The following PDGFRL variants were observed in gnomAD, a reference collection of about 807,000 sequenced individuals.
PDGFRL encodes platelet derived growth factor receptor like, also known as platelet-derived growth factor receptor-like protein.
A neutral mutation model predicts 37.2 loss-of-function variants in PDGFRL; 46 were observed. The ratio of observed to expected loss-of-function variants is 1.24; its 90% CI spans 0.98 to 1.58. The LOEUF is 1.58. PDGFRL is among the 40% of genes most tolerant of loss of function. The pLI is 0.00. For missense variants in PDGFRL, 692 were observed against 467.6 expected (o/e 1.48, Z -4.43); for synonymous variants, 251 against 184.3 (o/e 1.36, Z -2.93).
intron 5 of PDGFRL, 82 bp downstream of exon 5, chr8:17,634,295 C>T (rs1391931863): frequency 3.6e-6 from 4 of 1,121,594 alleles, no homozygotes; most frequent in Admixed American, 2.1e-5. Context: ...GCTTCGTCCC[C>T]ACCCAGTGCT....
At chr8:17,609,413 T>C (rs1804355668) in intron 2 of PDGFRL, among the ~76,000 whole-genome samples, 1 of 151,570 alleles carries the variant, frequency 6.6e-6, no homozygotes, top group Non-Finnish European at 1.5e-5. Context: ...AGGCGCAGGT[T>C]GCAGTGAGCT....
intron 2 of PDGFRL, among the ~76,000 whole-genome samples, chr8:17,604,398 T>C (rs28505379): frequency 0.93 from 141,437 of 152,204 alleles, 66,021 homozygotes; most frequent in Non-Finnish European, 0.98. Context: ...TGGAATACTA[T>C]GCAGCCATGA....
At chr8:17,615,201 T>G (rs907957227) in intron 2 of PDGFRL, among the ~76,000 whole-genome samples, 20 of 152,176 alleles carry the variant, frequency 1.3e-4, no homozygotes, top group African/African-American at 4.8e-4. Context: ...CTTTAATTAA[T>G]TACCGGATGG....
At chr8:17,632,203 A>C (rs1260732647) in intron 4 of PDGFRL, among the ~76,000 whole-genome samples, 3 of 152,036 alleles carry the variant, frequency 2.0e-5, no homozygotes, top group Non-Finnish European at 4.4e-5. Context: ...ATCACTTTCA[A>C]ATCCTACTGT....
chr8:17,592,148 C>T (rs2588153), intron 2 of PDGFRL, among the ~76,000 whole-genome samples: 126,226 of 152,134 alleles, frequency 0.83, 54,778 homozygotes, highest in Non-Finnish European at 0.96. Flanking sequence ...TCAGCCTTCA[C>T]TTTAACATTT....
At chr8:17,601,914 G>C (rs1024126136) in intron 2 of PDGFRL, among the ~76,000 whole-genome samples, 1 of 152,158 alleles carries the variant, frequency 6.6e-6, no homozygotes, top group Non-Finnish European at 1.5e-5. Flanking sequence ...CTTGTGACTA[G>C]TGCTGCATGA....
At chr8:17,612,452 C>CCT (rs746518103) in intron 2 of PDGFRL, among the ~76,000 whole-genome samples, 6 of 152,044 alleles carry the variant, frequency 3.9e-5, no homozygotes, top group Non-Finnish European at 7.4e-5. Flanking sequence ...GCTCACTGCA[C>CCT]CTCTGCCTCC....
At chr8:17,605,088 G>C (rs1454462104) in intron 2 of PDGFRL, among the ~76,000 whole-genome samples, 1 of 152,178 alleles carries the variant, frequency 6.6e-6, no homozygotes, top group Non-Finnish European at 1.5e-5. Context: ...CTGCGCTCCA[G>C]CTTGGGCAAC....
chr8:17,627,977 T>TTTTCTTTC (rs1197723566), intron 3 of PDGFRL, among the ~76,000 whole-genome samples: 1 of 141,008 alleles, frequency 7.1e-6, no homozygotes, highest in African/African-American at 2.8e-5. Flanking sequence ...ACCTTTTCTG[T>TTTTCTTTC]TTTCTTTCTT....
intron 3 of PDGFRL, among the ~76,000 whole-genome samples, chr8:17,622,824 C>T (rs926706335): frequency 2.6e-5 from 4 of 152,288 alleles, no homozygotes; most frequent in Admixed American, 1.3e-4. Context: ...TTGTAAGAGG[C>T]GTGAATTCCT....
At chr8:17,632,958 G>C (rs1804893598) in intron 4 of PDGFRL, among the ~76,000 whole-genome samples, 1 of 152,100 alleles carries the variant, frequency 6.6e-6, no homozygotes, top group Non-Finnish European at 1.5e-5. Flanking sequence ...GTTCTATTCT[G>C]GCCTTTTGGA....
At chr8:17,605,532 C>T (rs1804255723) in intron 2 of PDGFRL, among the ~76,000 whole-genome samples, 3 of 152,074 alleles carry the variant, frequency 2.0e-5, no homozygotes, top group Non-Finnish European at 4.4e-5. Context: ...GGGTGTAAAG[C>T]CAGAGAATTC....
chr8:17,608,839 G>A lies in PDGFRL; in HGVS notation c.354-12212G>A, dbSNP rs185850719. Among the ~76,000 whole-genome samples, 9 of 152,294 alleles carry A rather than the reference G, an allele frequency of 5.9e-5. No homozygotes were observed. The East Asian group carries it at 1.2e-3, about 20-fold the overall frequency. Reference sequence around the variant, plus strand: ...AGAAGGCAGCTGTGAGCAGGCGTTGGTGAGGCAAATGGAATCATTGTGTAA... The same window carrying A: ...AGAAGGCAGCTGTGAGCAGGCGTTGATGAGGCAAATGGAATCATTGTGTAA... On this transcript the variant is annotated intron_variant, in intron 2 of 5. Transcript: ENST00000251630.
chr8:17,590,983 C>T (rs1803926426), intron 2 of PDGFRL, among the ~76,000 whole-genome samples: 2 of 151,058 alleles, frequency 1.3e-5, no homozygotes, highest in Admixed American at 1.3e-4. Context: ...CCCGGGTTCA[C>T]ACCATTCTCC....
At chr8:17,577,522 G>T (rs1803612652) in intron 1 of PDGFRL, among the ~76,000 whole-genome samples, 1 of 151,864 alleles carries the variant, frequency 6.6e-6, no homozygotes, top group East Asian at 2.0e-4. Flanking sequence ...AGGGGTGGTG[G>T]CAGCTACCCC....
intron 3 of PDGFRL, among the ~76,000 whole-genome samples, chr8:17,627,470 ATT>A (rs11367536): frequency 0.13 from 19,662 of 147,348 alleles, 1,957 homozygotes; most frequent in African/African-American, 0.29. Flanking sequence ...ACCGATTGCA[ATT>A]TTTTTTTTTT....
At chr8:17,578,720 C>T (rs552276747) in intron 1 of PDGFRL, among the ~76,000 whole-genome samples, 1 of 152,298 alleles carries the variant, frequency 6.6e-6, no homozygotes, top group East Asian at 1.9e-4. Context: ...CATTCTGCCT[C>T]CTGGATCTCA....
chr8:17,597,712 T>C (rs149340708), intron 2 of PDGFRL, among the ~76,000 whole-genome samples: 1 of 152,232 alleles, frequency 6.6e-6, no homozygotes, highest in African/African-American at 2.4e-5. Flanking sequence ...CTCTCTAGGA[T>C]TGGAGGATGC....
chr8:17,640,220 C>G (rs138054962), intron 5 of PDGFRL, among the ~76,000 whole-genome samples: 23 of 152,250 alleles, frequency 1.5e-4, no homozygotes, highest in Admixed American at 1.0e-3. Flanking sequence ...TGGAGTTCAC[C>G]TTTCTCTGAT....
Sources: gnomAD v4.1 joint callset for allele counts (sites outside exome capture counted in the v4.1 genomes callset) on GRCh38, gnomAD v4.1.1 for gene constraint, MANE v1.5 for transcripts, NCBI Gene and HGNC (gene_info 2026-07-23, HGNC 2026-07-21) for gene names.